Variants in PARP11 observed in about 807,000 individuals in gnomAD.
PARP11 encodes the protein protein mono-ADP-ribosyltransferase PARP11.
Under a neutral mutation model 42.9 loss-of-function variants are expected in PARP11, and 31 were observed. The ratio of observed to expected loss-of-function variants is 0.72; its 90% CI spans 0.54 to 0.98. The LOEUF is 0.98. PARP11 is among the 50% of genes least tolerant of loss of function. The pLI, the probability that PARP11 is intolerant of heterozygous loss-of-function variation, is 0.00. For synonymous variants in PARP11, 137 were observed against 127.3 expected, an observed-to-expected ratio of 1.08 and a Z score of -0.51; for missense variants, 365 against 413.1, an observed-to-expected ratio of 0.88 and a Z score of 1.01.
intron 1 of PARP11, among the ~76,000 whole-genome samples, chr12:3,852,381 A>T (rs1378117755): frequency 2.0e-5 from 3 of 152,172 alleles, no homozygotes; most frequent in Non-Finnish European, 4.4e-5. Flanking sequence ...GGAAGCTAAA[A>T]ACCTTGAAAA....
At position 3,812,148 on chromosome 12, in the gene PARP11, G is replaced by C; in HGVS notation, c.992C>G (p.Pro331Arg). 6.2e-7 allele frequency: 1 copy of C among 1,613,076 alleles called. No homozygotes were observed. ...FVVFDANQIYPEYLIDFH is the reference protein window; with the variant it reads ...FVVFDANQIYREYLIDFH ...TCAATGAAAGTCTATCAAGTACTCA[G>C]GATAGATTTGGTTGGCATCAAAAAC... The change falls in exon 8 of 8, where the codon CCT becomes CGT. Residue 331 changes from proline to arginine, a missense_variant. Physicochemically the swap from Pro to Arg is moderately radical, Grantham distance 103 (BLOSUM62 -2). Transcript: ENST00000228820.
chr12:3,837,987 G>A (rs914918761), intron 1 of PARP11, among the ~76,000 whole-genome samples: 1 of 150,980 alleles, frequency 6.6e-6, no homozygotes, highest in Non-Finnish European at 1.5e-5. Context: ...GGGGTAGACT[G>A]CAATACAGCA....
chr12:3,873,179 C>A, intron 1 of PARP11, 33 bp downstream of exon 1: 1 of 1,527,024 alleles, frequency 6.5e-7, no homozygotes, highest in Non-Finnish European at 8.9e-7. Context: ...AACCCCGCCC[C>A]CTGGGCCCGC....
intron 1 of PARP11, among the ~76,000 whole-genome samples, chr12:3,849,552 C>T (rs575070469): frequency 5.3e-5 from 8 of 152,104 alleles, no homozygotes; most frequent in African/African-American, 1.9e-4. Flanking sequence ...AAGCCAAGCA[C>T]GGAAAGACAA....
intron 1 of PARP11, among the ~76,000 whole-genome samples, chr12:3,843,509 A>G (rs1947935125): frequency 6.6e-6 from 1 of 152,164 alleles, no homozygotes; most frequent in African/African-American, 2.4e-5. Flanking sequence ...TTCACTTTAC[A>G]CTTGCATGTT....
At chr12:3,839,966 G>T in intron 1 of PARP11, 1 of 1,380,888 alleles carries the variant, frequency 7.2e-7, no homozygotes, top group Non-Finnish European at 1.0e-6. Flanking sequence ...GATGTGAATG[G>T]ATTTAAACCT....
Position 3,829,889 on chromosome 12 carries a change from C to A in PARP11, c.147+1G>T. On this transcript the variant is annotated splice_donor_variant, in intron 2 of 7. Transcript: ENST00000228820. LOFTEE classifies it high-confidence loss of function. ...CTGCTAAATTAAAGGAAAGGAGGTA[C>A]CTGAAACATGTGCCACTTCCCACAT... The A allele has an allele frequency of 6.2e-7, 1 of 1,613,770 alleles. No individual in the cohort carries two copies. The highest frequency in any genetic ancestry group is 8.5e-7 in the Non-Finnish European group (1 of 1,179,760).
chr12:3,845,098 C>A (rs1947973514), intron 1 of PARP11, among the ~76,000 whole-genome samples: 1 of 152,158 alleles, frequency 6.6e-6, no homozygotes, highest in Non-Finnish European at 1.5e-5. Context: ...CAAAGCTCAC[C>A]TGTTTTTTGT....
At chr12:3,813,530 G>T (rs1027405681) in intron 7 of PARP11, among the ~76,000 whole-genome samples, 20 of 152,216 alleles carry the variant, frequency 1.3e-4, no homozygotes, top group African/African-American at 4.3e-4. Context: ...ACACTGATGG[G>T]ATTTATGTAA....
At chr12:3,843,093 T>C (rs1409751533) in intron 1 of PARP11, among the ~76,000 whole-genome samples, 1 of 152,240 alleles carries the variant, frequency 6.6e-6, no homozygotes, top group African/African-American at 2.4e-5. Flanking sequence ...TTGAATAATG[T>C]CTTCTCTTTA....
intron 1 of PARP11, among the ~76,000 whole-genome samples, chr12:3,834,856 G>A (rs10848943): frequency 0.3 from 44,795 of 151,660 alleles, 7,912 homozygotes; most frequent in East Asian, 0.64. Flanking sequence ...AGGGCAGAAC[G>A]TGGGGCAGTC....
At chr12:3,863,587 T>G (rs951660456) in intron 1 of PARP11, among the ~76,000 whole-genome samples, 1 of 152,188 alleles carries the variant, frequency 6.6e-6, no homozygotes, top group African/African-American at 2.4e-5. Flanking sequence ...TACACTTTAT[T>G]ACAGTGAAAG....
At chr12:3,869,016 AC>A (rs533982513) in intron 1 of PARP11, among the ~76,000 whole-genome samples, 152 of 152,306 alleles carry the variant, frequency 1.0e-3, no homozygotes, top group African/African-American at 3.4e-3. Context: ...TCTAGAAGCT[AC>A]CCACATACCT....
At chr12:3,854,891 C>G (rs1336807230) in intron 1 of PARP11, among the ~76,000 whole-genome samples, 1 of 152,208 alleles carries the variant, frequency 6.6e-6, no homozygotes, top group East Asian at 1.9e-4. Flanking sequence ...CAATAAAATA[C>G]TGGCAAACCG....
At chr12:3,816,104 T>A (rs1338075743) in intron 6 of PARP11, among the ~76,000 whole-genome samples, 1 of 152,272 alleles carries the variant, frequency 6.6e-6, no homozygotes, top group African/African-American at 2.4e-5. Flanking sequence ...CAGCATGCTT[T>A]CACTAAGAAC....
chr12:3,822,827 G>T (rs932135646), intron 4 of PARP11, among the ~76,000 whole-genome samples: 1 of 152,002 alleles, frequency 6.6e-6, no homozygotes, highest in Admixed American at 6.6e-5. Flanking sequence ...AAAACAAAAG[G>T]CTGAAACTCG....
At chr12:3,837,544 T>G (rs1391643075) in intron 1 of PARP11, among the ~76,000 whole-genome samples, 1 of 151,740 alleles carries the variant, frequency 6.6e-6, no homozygotes, top group East Asian at 1.9e-4. Flanking sequence ...AGAGAGCAGT[T>G]ACAAAACAAC....
chr12:3,844,229 G>T (rs1947953576), intron 1 of PARP11, among the ~76,000 whole-genome samples: 1 of 152,188 alleles, frequency 6.6e-6, no homozygotes, highest in African/African-American at 2.4e-5. Flanking sequence ...ATTTTATTAT[G>T]ATGGTGCTAG....
intron 7 of PARP11, among the ~76,000 whole-genome samples, chr12:3,812,746 T>C (rs1453184145): frequency 6.6e-6 from 1 of 152,162 alleles, no homozygotes; most frequent in Non-Finnish European, 1.5e-5. Flanking sequence ...AAGAAAACAA[T>C]TAATAAAACA....
Sources: allele counts gnomAD v4.1 joint callset (sites outside exome capture counted in the v4.1 genomes callset), GRCh38; gene constraint gnomAD v4.1.1; transcripts MANE v1.5; gene names NCBI Gene and HGNC (gene_info 2026-07-23, HGNC 2026-07-21).